DUOX2: variants seen among roughly 807,000 people sequenced by gnomAD.
The protein encoded by DUOX2 is dual oxidase 2.
A neutral mutation model predicts 183.3 loss-of-function variants in DUOX2; 185 were observed. The ratio of observed to expected loss-of-function variants is 1.01; its 90% CI spans 0.90 to 1.14. The LOEUF is 1.14. Among genes scored for constraint, DUOX2 ranks in the 50% most tolerant of loss-of-function variants. The pLI, the probability that DUOX2 is intolerant of heterozygous loss-of-function variation, is 0.00. For synonymous variants in DUOX2, 788 were observed against 812.4 expected (o/e 0.97, Z 0.51); for missense variants, 1,999 against 2,022.9 (o/e 0.99, Z 0.23).
chr15:45,100,002 G>T (rs1051103722), intron 24 of DUOX2, 48 bp downstream of exon 24: 1 of 1,613,814 alleles, frequency 6.2e-7, no homozygotes, highest in South Asian at 1.1e-5. Flanking sequence ...TCCTCTCCAA[G>T]GGTCAGAGCC....
intron 12 of DUOX2, 130 bp downstream of exon 12, chr15:45,108,659 T>C: frequency 9.2e-7 from 1 of 1,082,450 alleles, no homozygotes; most frequent in Non-Finnish European, 1.4e-6. Context: ...ATCAGTAAAA[T>C]GGGGAAAATG....
chr15:45,101,920 G>A lies in DUOX2; in HGVS notation c.2724C>T (p.Phe908=), dbSNP rs1894093565. The A allele has an allele frequency of 6.2e-7, 1 of 1,614,202 alleles. No homozygotes were observed. The change falls in exon 21 of 34, where the codon TTC becomes TTT. Residue 908 remains phenylalanine, a synonymous_variant. Transcript: ENST00000389039. The part of the protein sequence containing the change: ...AQLAEVVESM[F]RESGFQDKEE... The stretch of plus-strand genomic sequence containing the variant: ...CCTTGTCCTGGAATCCCGACTCCCG[G>A]AACATAGACTCCACCACCTCGGCCA...
Position 45,106,254 on chromosome 15 carries a change from C to G in DUOX2, c.2019G>C (p.Gln673His), listed in dbSNP as rs1894211143. The change falls in exon 17 of 34, where the codon CAG becomes CAC. Residue 673 changes from glutamine to histidine, a missense_variant. By Grantham distance (24) the Gln-to-His change is conservative. Transcript: ENST00000389039. ...IIQLLSDRCL[Q>H]VLNRHLTVLR... ...GCACAGTGAGATGCCTGTTCAGGAC[C>G]TGCAGACACCTGTCTGACAGCAGCT... is the stretch of plus-strand genomic sequence containing the variant. 2 of 1,614,126 alleles carry G rather than the reference C, an allele frequency of 1.2e-6. No homozygotes were observed. Among genetic ancestry groups the G allele is most frequent in the Non-Finnish European group, 1.7e-6 (2 of 1,180,014 alleles).
At position 45,110,700 on chromosome 15, in the gene DUOX2, A is replaced by C; in HGVS notation, c.893T>G (p.Val298Gly). 4.3e-6 allele frequency: 7 copies of C among 1,612,264 alleles called. No homozygotes were observed. Among genetic ancestry groups the C allele is most frequent in the Non-Finnish European group, 5.1e-6 (6 of 1,179,904 alleles). ...CAGGAAGCTGGGCAGCCACTCATACACAGCGATGTTCTGAGGGGCAGAGAG... is the reference window on the plus strand; with the variant it reads ...CAGGAAGCTGGGCAGCCACTCATACCCAGCGATGTTCTGAGGGGCAGAGAG... ...RVIATYQNIA[V>G]YEWLPSFLQK... is the part of the protein sequence containing the mutation. The change falls in exon 8 of 34, where the codon GTG (valine) becomes GGG (glycine). Residue 298 changes from valine to glycine, a missense_variant. Transcript: ENST00000389039.
chr15:45,099,678 A>T lies in DUOX2; in HGVS notation c.3399T>A (p.Ala1133=). 6.2e-7 allele frequency: 1 copy of T among 1,614,220 alleles called. No homozygotes were observed. Among genetic ancestry groups the T allele is most frequent in the Non-Finnish European group, 8.5e-7 (1 of 1,180,046 alleles). Residue 1133 remains alanine (A), a synonymous_variant, in exon 25 of 34, where the codon GCT becomes GCA. Coordinates refer to ENST00000389039, the MANE Select transcript of DUOX2 (RefSeq NM_001363711.2). ...AVDFHRWIAM[A]AVVLAILHSA... ...GTCACGTACTGGCCAGGACAACAGC[A>T]GCCATGGCGATCCAGCGGTGGAAGT...
At position 45,110,675 on chromosome 15, in the gene DUOX2, C is replaced by T. The variant is rs749242045; in HGVS notation, c.918G>A (p.Leu306=). 1 of 1,612,464 alleles carries T rather than the reference C, an allele frequency of 6.2e-7. No individual in the cohort carries two copies. Among genetic ancestry groups the T allele is most frequent in the Non-Finnish European group, 8.5e-7 (1 of 1,179,970 alleles). The change falls in exon 8 of 34, where the codon CTG becomes CTA. Residue 306 remains leucine, a synonymous_variant. Coordinates refer to ENST00000389039, the MANE Select transcript of DUOX2 (RefSeq NM_001363711.2). ...IAVYEWLPSF[L]QKTLPEYTGY... ...CTGTATACTCCGGGAGTGTTTTCTG[C>T]AGGAAGCTGGGCAGCCACTCATACA...
chr15:45,111,162 C>G lies in DUOX2; in HGVS notation c.831G>C (p.Glu277Asp). ...GTGCGTGCTGGAACAGCTCCTCGTC[C>G]TCCCAGTCTGGGTGCTGGCGGGCCA... ...QRLARQHPDW[E>D]DEELFQHARK... The change falls in exon 7 of 34, where the codon GAG becomes GAC. Residue 277 changes from glutamate to aspartate, a missense_variant. Coordinates refer to ENST00000389039, the MANE Select transcript of DUOX2 (RefSeq NM_001363711.2). 5.4e-6 allele frequency: 7 copies of G among 1,288,840 alleles called. No homozygotes were observed. The highest frequency in any genetic ancestry group is 7.4e-6 in the Non-Finnish European group (7 of 943,034). The allele number at this position is 1,288,840 out of a possible 1,614,324, so 79.8% of individuals were successfully genotyped here. A position where few individuals can be genotyped will look rare whatever the true frequency, so the allele number is the denominator to read the frequency against.
At position 45,095,988 on chromosome 15, in the gene DUOX2, C is replaced by A; in HGVS notation, c.3920G>T (p.Cys1307Phe). The change falls in exon 30 of 34, where the codon TGC becomes TTC. Residue 1307 changes from cysteine (C) to phenylalanine (F), a missense_variant. Cys to Phe is a radical substitution (Grantham distance 205, BLOSUM62 -2). Coordinates refer to ENST00000389039, the MANE Select transcript of DUOX2 (RefSeq NM_001363711.2). ...GTACTCGGTGGTCCCCAGAGCCAGG[C>A]AGGCGATCCGCACCCACTGTCCTGA... ...YKSGQWVRIA[C>F]LALGTTEYHP... is the part of the protein sequence containing the mutation. The A allele has an allele frequency of 6.2e-7, 1 of 1,613,864 alleles. No homozygotes were observed. The highest frequency in any genetic ancestry group is 8.5e-7 in the Non-Finnish European group (1 of 1,179,932).
intron 15 of DUOX2, 52 bp downstream of exon 15, chr15:45,106,780 G>T (rs1894227159): frequency 6.3e-7 from 1 of 1,598,936 alleles, no homozygotes; most frequent in African/African-American, 1.3e-5. Context: ...CCTCAGGCCA[G>T]CAGGAAATGA....
In DUOX2 at chr15:45,105,798, C is replaced by G; in HGVS notation, c.2179G>C (p.Gly727Arg). 1.2e-6 allele frequency: 2 copies of G among 1,614,184 alleles called. No homozygotes were observed. The highest frequency in any genetic ancestry group is 8.5e-7 in the Non-Finnish European group (1 of 1,180,028). Reference sequence around the variant, plus strand: ...TCCCATAGCTGCTGCACAAAGGCGCCCCGTTCCTCTTCAGAACTAAACAGC... The same window carrying G: ...TCCCATAGCTGCTGCACAAAGGCGCGCCGTTCCTCTTCAGAACTAAACAGC... ...VLLFSSEEER[G>R]AFVQQLWDFC... is the part of the protein sequence containing the mutation. The change falls in exon 18 of 34, where the codon GGC becomes CGC. Residue 727 changes from glycine (G) to arginine (R), a missense_variant. Coordinates refer to ENST00000389039, the MANE Select transcript of DUOX2 (RefSeq NM_001363711.2).
In DUOX2 at chr15:45,112,547, C is replaced by A. The variant is rs1688368319; in HGVS notation, c.325+7G>T. The A allele has an allele frequency of 6.2e-7, 1 of 1,612,636 alleles. No homozygotes were observed. Among genetic ancestry groups the A allele is most frequent in the Non-Finnish European group, 8.5e-7 (1 of 1,179,574 alleles). ...TCAACCCCACTGGTCTCCCCCTTTG[C>A]CCTCACCAAAGAAGACCCCCAGTAC... On this transcript the variant is annotated splice_region_variant and intron_variant, in intron 4 of 33. Coordinates refer to ENST00000389039, the MANE Select transcript of DUOX2 (RefSeq NM_001363711.2).
chr15:45,094,414 G>A, intron 33 of DUOX2, 142 bp from the exon 34 acceptor site: 1 of 1,517,382 alleles, frequency 6.6e-7, no homozygotes, highest in Non-Finnish European at 9.0e-7. Flanking sequence ...TGGAGGGGGT[G>A]GAAGTCCCCC....
At chr15:45,104,107 T>G in intron 19 of DUOX2, 33 bp downstream of exon 19, 1 of 1,614,032 alleles carries the variant, frequency 6.2e-7, no homozygotes, top group Non-Finnish European at 8.5e-7. Flanking sequence ...ACCCCTGGAT[T>G]CTTGGATAGC....
intron 9 of DUOX2, 118 bp downstream of exon 9, chr15:45,110,309 AT>A: frequency 1.0e-6 from 1 of 1,000,842 alleles, no homozygotes; most frequent in Non-Finnish European, 1.5e-6. Context: ...AGGGCCCCAA[AT>A]TTTTGCTTCC....
Position 45,110,476 on chromosome 15 carries a change from G to T in DUOX2, c.992C>A (p.Ala331Asp). ...CATGGTAGAGAAGAACTGCTCAGAG[G>T]CCACCACAAATTCCGGGGAGATGCT... ...DPSISPEFVV[A>D]SEQFFSTMVP... The change falls in exon 9 of 34, where the codon GCC becomes GAC. Residue 331 changes from alanine to aspartate, a missense_variant. By Grantham distance (126) the Ala-to-Asp change is moderately radical (BLOSUM62 -2). This residue lies in a region of DUOX2 where 1,628 missense variants were observed against 1,608.6 expected (regional missense o/e 1.01). Transcript: ENST00000389039. The T allele has an allele frequency of 1.2e-6, 2 of 1,614,122 alleles. No homozygotes were observed. Among genetic ancestry groups the T allele is most frequent in the Non-Finnish European group, 1.7e-6 (2 of 1,180,010 alleles).
chr15:45,101,558 G>C (rs535428463), intron 21 of DUOX2: 2 of 627,648 alleles, frequency 3.2e-6, no homozygotes, highest in South Asian at 3.9e-5. Flanking sequence ...GAGCAATGCC[G>C]GTGGCTTTGA....
rs985183335 is a variant in DUOX2 at position 45,113,417 on chromosome 15, C to G, written c.-6G>C. 32 of 1,559,170 alleles carry G rather than the reference C, an allele frequency of 2.1e-5. No homozygotes were observed. Among genetic ancestry groups the G allele is most frequent in the Non-Finnish European group, 2.6e-5 (30 of 1,150,904 alleles). On this transcript the variant is annotated 5_prime_UTR_variant, in exon 2 of 34. Coordinates refer to ENST00000389039, the MANE Select transcript of DUOX2 (RefSeq NM_001363711.2). The stretch of plus-strand genomic sequence containing the variant: ...TCTGGTCTTGCACGGAGCATGCCAA[C>G]CCTGCAGCCTGCGGGGTGAGGGTGG...
rs764089108 is a variant in DUOX2 at position 45,103,947 on chromosome 15, G to A, written c.2654+13C>T. On this transcript the variant is annotated intron_variant, in intron 20 of 33. Transcript: ENST00000389039. The stretch of plus-strand genomic sequence containing the variant: ...ACCAGGAAGTCTCAGGATTAGAAAG[G>A]CACACCCCATACCGCATCATGGTGA... 5.6e-6 allele frequency: 9 copies of A among 1,613,774 alleles called. No individual in the cohort carries two copies. Among genetic ancestry groups the A allele is most frequent in the Admixed American group, 5.0e-5 (3 of 60,020 alleles).
intron 3 of DUOX2, 105 bp downstream of exon 3, chr15:45,112,882 G>C (rs1436257926): frequency 1.3e-6 from 2 of 1,542,656 alleles, no homozygotes; most frequent in African/African-American, 1.4e-5. Context: ...TGTAGGCAGC[G>C]GAGCTGCTGG....
Sources: allele counts gnomAD v4.1 joint callset, GRCh38; gene constraint gnomAD v4.1.1; regional missense constraint gnomAD v4.1.1; transcripts MANE v1.5; gene names NCBI Gene and HGNC (gene_info 2026-07-23, HGNC 2026-07-21).